Variants in MAPKAP1 observed in about 807,000 individuals in gnomAD.
MAPKAP1 encodes target of rapamycin complex 2 subunit MAPKAP1.
MAPKAP1 carries 20 observed loss-of-function variants against 65.7 expected under a neutral mutation model. The ratio of observed to expected loss-of-function variants is 0.30; its 90% CI spans 0.21 to 0.44. MAPKAP1 has a LOEUF of 0.44. Among genes scored for constraint, MAPKAP1 ranks in the 20% least tolerant of loss-of-function variants. MAPKAP1 has a pLI of 1.00. For missense variants in MAPKAP1, 423 were observed against 648.0 expected (o/e 0.65, Z 3.77); for synonymous variants, 222 against 244.3 (o/e 0.91, Z 0.85).
At chr9:125,481,010 T>G (rs1854296628) in intron 9 of MAPKAP1, among the ~76,000 whole-genome samples, 1 of 150,614 alleles carries the variant, frequency 6.6e-6, no homozygotes, top group African/African-American at 2.4e-5. Context: ...AAGAATATGC[T>G]TCTATGGGCC....
At chr9:125,684,436 C>T (rs907220427) in intron 1 of MAPKAP1, among the ~76,000 whole-genome samples, 7 of 152,074 alleles carry the variant, frequency 4.6e-5, no homozygotes, top group African/African-American at 1.7e-4. Context: ...ATGAATAATG[C>T]CAAGCTTGAA....
chr9:125,450,628 G>A (rs1189599994), intron 10 of MAPKAP1, among the ~76,000 whole-genome samples: 1 of 152,204 alleles, frequency 6.6e-6, no homozygotes, highest in Non-Finnish European at 1.5e-5. Context: ...ACAAAGAACA[G>A]CTTTGAGGCT....
chr9:125,505,499 T>C (rs958885149), intron 8 of MAPKAP1, among the ~76,000 whole-genome samples: 2 of 151,788 alleles, frequency 1.3e-5, no homozygotes, highest in African/African-American at 4.8e-5. Flanking sequence ...AATAAATGAA[T>C]AGATAGAAAC....
intron 8 of MAPKAP1, among the ~76,000 whole-genome samples, chr9:125,500,368 TA>T (rs1394080729): frequency 2.0e-5 from 3 of 149,828 alleles, no homozygotes; most frequent in Non-Finnish European, 4.5e-5. Flanking sequence ...TTTTTTTTTG[TA>T]TTTTTAGTAG....
At chr9:125,653,450 A>G (rs563404499) in intron 4 of MAPKAP1, among the ~76,000 whole-genome samples, 3 of 152,360 alleles carry the variant, frequency 2.0e-5, no homozygotes, top group East Asian at 1.9e-4. Flanking sequence ...CTGTTCTTTA[A>G]GATTCATCTT....
chr9:125,444,444 G>T, intron 11 of MAPKAP1, 57 bp downstream of exon 11: 1 of 1,355,904 alleles, frequency 7.4e-7, no homozygotes, highest in Non-Finnish European at 1.0e-6. Context: ...GCCGCAAACA[G>T]CCTGAAGAGA....
chr9:125,561,911 G>A (rs1830904929), intron 5 of MAPKAP1, among the ~76,000 whole-genome samples: 1 of 152,210 alleles, frequency 6.6e-6, no homozygotes, highest in African/African-American at 2.4e-5. Flanking sequence ...AAGCAACAAT[G>A]CATCTGAGCA....
At chr9:125,532,217 A>G (rs1395069337) in intron 7 of MAPKAP1, among the ~76,000 whole-genome samples, 1 of 152,224 alleles carries the variant, frequency 6.6e-6, no homozygotes, top group Non-Finnish European at 1.5e-5. Context: ...CTTTCTCTAT[A>G]TATTTATATA....
intron 4 of MAPKAP1, among the ~76,000 whole-genome samples, chr9:125,596,999 T>C (rs546989312): frequency 5.1e-4 from 76 of 148,790 alleles, no homozygotes; most frequent in African/African-American, 1.0e-3. Context: ...CGCGGTGGCT[T>C]ATGCCTGTAA....
intron 1 of MAPKAP1, among the ~76,000 whole-genome samples, chr9:125,699,328 C>A (rs573845213): frequency 6.6e-6 from 1 of 152,066 alleles, no homozygotes; most frequent in African/African-American, 2.4e-5. Context: ...CCTGCCTCGG[C>A]CTCCCAAGTA....
chr9:125,558,972 C>T (rs539777873), intron 6 of MAPKAP1: 1 of 152,210 alleles, frequency 6.6e-6, no homozygotes, highest in Admixed American at 6.5e-5. Flanking sequence ...ACCATTTATG[C>T]TCATCACCGC....
At chr9:125,690,735 G>A (rs1372708789) in intron 1 of MAPKAP1, among the ~76,000 whole-genome samples, 1 of 152,200 alleles carries the variant, frequency 6.6e-6, no homozygotes, top group Non-Finnish European at 1.5e-5. Flanking sequence ...AACATTCGAG[G>A]TAGAAGACAC....
intron 7 of MAPKAP1, among the ~76,000 whole-genome samples, chr9:125,518,381 G>A (rs1299426835): frequency 1.3e-5 from 2 of 148,942 alleles, no homozygotes; most frequent in Middle Eastern, 3.2e-3. Context: ...TATTACATCT[G>A]TAATCCCACA....
intron 1 of MAPKAP1, among the ~76,000 whole-genome samples, chr9:125,698,299 ATAT>A (rs1835473542): frequency 4.5e-4 from 6 of 13,370 alleles, no homozygotes; most frequent in East Asian, 4.1e-3. Flanking sequence ...ATATATATAT[ATAT>A]ATATATATAT....
intron 1 of MAPKAP1, among the ~76,000 whole-genome samples, chr9:125,674,750 C>CT (rs930649363): frequency 1.3e-5 from 2 of 152,184 alleles, no homozygotes; most frequent in African/African-American, 4.8e-5. Flanking sequence ...TTAATCTTCA[C>CT]TTTTTTCCTC....
At chr9:125,662,895 A>G (rs1028898421) in intron 3 of MAPKAP1, among the ~76,000 whole-genome samples, 4 of 152,148 alleles carry the variant, frequency 2.6e-5, no homozygotes, top group Non-Finnish European at 4.4e-5. Context: ...ATGAAATCAT[A>G]TAGTAGCTGG....
chr9:125,555,203 T>C (rs1589284210), intron 6 of MAPKAP1, among the ~76,000 whole-genome samples: 1 of 152,344 alleles, frequency 6.6e-6, no homozygotes, highest in East Asian at 1.9e-4. Flanking sequence ...ATTAAAAAAC[T>C]CATTTGGATA....
At chr9:125,594,864 C>G (rs559952594) in intron 4 of MAPKAP1, among the ~76,000 whole-genome samples, 2 of 152,278 alleles carry the variant, frequency 1.3e-5, no homozygotes, top group Admixed American at 6.5e-5. Context: ...CCGGACCTAC[C>G]AATTCTCTAT....
intron 4 of MAPKAP1, among the ~76,000 whole-genome samples, chr9:125,649,794 G>A (rs1476611154): frequency 5.9e-5 from 7 of 118,488 alleles, no homozygotes; most frequent in Non-Finnish European, 1.0e-4. Flanking sequence ...CAGAAACTCC[G>A]TCTCAAAAAA....
Sources: gnomAD v4.1 joint callset for allele counts (sites outside exome capture counted in the v4.1 genomes callset) on GRCh38, gnomAD v4.1.1 for gene constraint, MANE v1.5 for transcripts, NCBI Gene and HGNC (gene_info 2026-07-23, HGNC 2026-07-21) for gene names.